Variants in PLA2R1 observed in about 807,000 individuals in gnomAD.
PLA2R1 encodes the protein secretory phospholipase A2 receptor.
A neutral mutation model predicts 195.9 loss-of-function variants in PLA2R1; 158 were observed. That is an observed-to-expected ratio of 0.81 (90% CI 0.71 to 0.92). The LOEUF is 0.92. PLA2R1 is among the 40% of genes least tolerant of loss of function. The pLI, the probability that PLA2R1 is intolerant of heterozygous loss-of-function variation, is 0.00. For synonymous variants in PLA2R1, 586 were observed against 598.2 expected (o/e 0.98, Z 0.30); for missense variants, 1,626 against 1,764.6 (o/e 0.92, Z 1.41).
chr2:159,983,534 C>T (rs548248770), intron 13 of PLA2R1, among the ~76,000 whole-genome samples: 10 of 151,694 alleles, frequency 6.6e-5, no homozygotes, highest in Non-Finnish European at 1.0e-4. Flanking sequence ...TGGTCAGAGC[C>T]GCTCTGGTGA....
At position 159,944,795 on chromosome 2, in the gene PLA2R1, T is replaced by C. The variant is rs145646945; in HGVS notation, c.4144+111A>G. On this transcript the variant is annotated intron_variant, in intron 28 of 29. Coordinates refer to ENST00000283243, the MANE Select transcript of PLA2R1 (RefSeq NM_007366.5). ...AGAACACAACAATAATGTCAGAATC[T>C]ATCTGAATACTCTCTCAACTTGGAT... 133 of 757,132 alleles carry C rather than the reference T, an allele frequency of 1.8e-4. 1 individual carries two copies. In the African/African-American group the frequency reaches 2.1e-3, roughly 12 times the overall value. The allele number at this position is 757,132 out of a possible 1,614,324, so 46.9% of individuals were successfully genotyped here. A position where few individuals can be genotyped will look rare whatever the true frequency, so the allele number is the denominator to read the frequency against.
chr2:159,977,934 A>T (rs146988954), intron 14 of PLA2R1, among the ~76,000 whole-genome samples: 5 of 152,220 alleles, frequency 3.3e-5, no homozygotes, highest in Non-Finnish European at 1.5e-5. Context: ...TGTCTCAAAA[A>T]AAATAAATAA....
intron 11 of PLA2R1, among the ~76,000 whole-genome samples, chr2:159,995,549 T>C (rs1036591513): frequency 2.0e-5 from 3 of 152,054 alleles, no homozygotes; most frequent in Admixed American, 6.6e-5. Flanking sequence ...TAGTGTGACA[T>C]GGAAGTTTAT....
At chr2:160,029,863 G>A (rs1390318590) in intron 4 of PLA2R1, among the ~76,000 whole-genome samples, 1 of 152,164 alleles carries the variant, frequency 6.6e-6, no homozygotes, top group African/African-American at 2.4e-5. Context: ...AATCTATAAA[G>A]GAGAGCATTG....
At chr2:159,982,056 A>C (rs1391527578) in intron 13 of PLA2R1, among the ~76,000 whole-genome samples, 1 of 152,206 alleles carries the variant, frequency 6.6e-6, no homozygotes, top group African/African-American at 2.4e-5. Flanking sequence ...ATGAGAACTT[A>C]CATAAACAGA....
chr2:160,016,674 A>G lies in PLA2R1; in HGVS notation c.1491T>C (p.Leu497=). 1 of 1,609,072 alleles carries G rather than the reference A, an allele frequency of 6.2e-7. No homozygotes were observed. Among genetic ancestry groups the G allele is most frequent in the Non-Finnish European group, 8.5e-7 (1 of 1,175,394 alleles). Residue 497 remains leucine, a synonymous_variant, in exon 9 of 30, where the codon CTT becomes CTC. Coordinates refer to ENST00000283243, the MANE Select transcript of PLA2R1 (RefSeq NM_007366.5). ...GGCCTGCTTTTTTACAAATGTAAAA[A>G]AGTCTTTCTTCACAATTTTTGACTT... The part of the protein sequence containing the change: ...HWKVKNCEER[L]FYICKKAGHV...
intron 9 of PLA2R1, among the ~76,000 whole-genome samples, chr2:160,014,131 T>C (rs905420414): frequency 2.6e-5 from 4 of 152,166 alleles, no homozygotes; most frequent in Non-Finnish European, 4.4e-5. Context: ...AGTGGATCAG[T>C]TGGGCCTGAA....
chr2:159,956,559 A>G lies in PLA2R1; in HGVS notation c.2973T>C (p.Cys991=), dbSNP rs780980054. ...WKNWTHAQHF[C]AEEGGTLVAI... Reference sequence around the variant, plus strand: ...CGACCAGGGTCCCCCCTTCTTCAGCACAGAAATGTTGAGCATGCGTCCAGT... The same window carrying G: ...CGACCAGGGTCCCCCCTTCTTCAGCGCAGAAATGTTGAGCATGCGTCCAGT... The change falls in exon 21 of 30, where the codon TGT becomes TGC. Residue 991 remains cysteine, a synonymous_variant. Transcript: ENST00000283243. The G allele has an allele frequency of 1.9e-6, 3 of 1,613,754 alleles. No homozygotes were observed. The African/African-American group carries it at 4.0e-5, about 22-fold the overall frequency.
chr2:159,925,206 C>A, the PLA2R1 span, among the ~76,000 whole-genome samples: 7 of 151,182 alleles, frequency 4.6e-5, no homozygotes, highest in African/African-American at 1.7e-4. Context: ...AACAAACAAA[C>A]AATCAATTAG....
In PLA2R1 at chr2:160,044,855, C is replaced by A; in HGVS notation, c.412G>T (p.Val138Leu). ...TGAATATACTTCCGTGAGGCCACCA[C>A]TGTGTTGTCATGCGCCACCTGGACA... ...YSVQVAHDNT[V>L]VASRKYIHKW... The change falls in exon 2 of 30, where the codon GTG becomes TTG. Residue 138 changes from valine to leucine, a missense_variant. Coordinates refer to ENST00000283243, the MANE Select transcript of PLA2R1 (RefSeq NM_007366.5). The A allele has an allele frequency of 6.2e-7, 1 of 1,614,006 alleles. No individual in the cohort carries two copies. Among genetic ancestry groups the A allele is most frequent in the Non-Finnish European group, 8.5e-7 (1 of 1,179,844 alleles).
chr2:159,946,487 C>G (rs1560132330), intron 27 of PLA2R1: 1 of 1,025,012 alleles, frequency 9.8e-7, no homozygotes, highest in Non-Finnish European at 1.2e-6. Flanking sequence ...GGGATATTTT[C>G]CAGTAAATAT....
chr2:159,968,534 CT>C (rs1688938150), intron 19 of PLA2R1, among the ~76,000 whole-genome samples: 1 of 152,180 alleles, frequency 6.6e-6, no homozygotes, highest in African/African-American at 2.4e-5. Context: ...ACGGATTTTC[CT>C]TTCCTAACTC....
chr2:160,007,527 G>A (rs1237877549), intron 10 of PLA2R1, among the ~76,000 whole-genome samples: 3 of 152,224 alleles, frequency 2.0e-5, no homozygotes, highest in Non-Finnish European at 2.9e-5. Context: ...AGAGCACACC[G>A]ACAGGCACTG....
intron 25 of PLA2R1, among the ~76,000 whole-genome samples, chr2:159,948,405 A>ATT (rs759204221): frequency 6.7e-6 from 1 of 150,222 alleles, no homozygotes; most frequent in Non-Finnish European, 1.5e-5. Flanking sequence ...CAGATAATTG[A>ATT]ATTTTTTTTT....
At chr2:160,020,873 T>C (rs946984227) in intron 7 of PLA2R1, among the ~76,000 whole-genome samples, 10 of 152,174 alleles carry the variant, frequency 6.6e-5, no homozygotes, top group African/African-American at 1.9e-4. Flanking sequence ...CCAGATCTGC[T>C]TGATATAGGC....
chr2:159,983,193 T>C (rs1449523845), intron 13 of PLA2R1, among the ~76,000 whole-genome samples: 1 of 152,196 alleles, frequency 6.6e-6, no homozygotes, highest in African/African-American at 2.4e-5. Flanking sequence ...AAACCAGGCT[T>C]CTGCAATGGA....
chr2:159,959,997 A>C (rs1688332097), intron 20 of PLA2R1, among the ~76,000 whole-genome samples: 1 of 152,098 alleles, frequency 6.6e-6, no homozygotes. Flanking sequence ...GTAACTTTTT[A>C]AAATTTGGTC....
intron 1 of PLA2R1, among the ~76,000 whole-genome samples, chr2:160,047,752 G>A (rs1047737727): frequency 6.6e-6 from 1 of 152,230 alleles, no homozygotes; most frequent in African/African-American, 2.4e-5. Context: ...GCAGTGTGTA[G>A]ATGCGGGAAT....
chr2:160,051,635 A>G (rs571980245), intron 1 of PLA2R1, among the ~76,000 whole-genome samples: 1 of 152,298 alleles, frequency 6.6e-6, no homozygotes, highest in South Asian at 2.1e-4. Context: ...CGTTCCTAAG[A>G]TTACTCTGTA....
Sources: gnomAD v4.1 joint callset for allele counts (sites outside exome capture counted in the v4.1 genomes callset) on GRCh38, gnomAD v4.1.1 for gene constraint, MANE v1.5 for transcripts, NCBI Gene and HGNC (gene_info 2026-07-23, HGNC 2026-07-21) for gene names.